IRAK1BP1: variants seen among roughly 807,000 people sequenced by gnomAD.
The protein encoded by IRAK1BP1 is interleukin-1 receptor-associated kinase 1-binding protein 1.
A neutral mutation model predicts 28.0 loss-of-function variants in IRAK1BP1; 24 were observed. That is an observed-to-expected ratio of 0.86 (90% CI 0.62 to 1.20). The LOEUF is 1.20. IRAK1BP1 is among the 50% of genes most tolerant of loss of function. IRAK1BP1 has a pLI of 0.00. For synonymous variants in IRAK1BP1, 131 were observed against 116.3 expected, an observed-to-expected ratio of 1.13 and a Z score of -0.81; for missense variants, 336 against 316.7, an observed-to-expected ratio of 1.06 and a Z score of -0.46.
At chr6:78,928,047 G>A (rs1004457069) in intron 4 of IRAK1BP1, among the ~76,000 whole-genome samples, 1 of 151,964 alleles carries the variant, frequency 6.6e-6, no homozygotes, top group African/African-American at 2.4e-5. Context: ...ATAAATGTTA[G>A]GATTGTTTTT....
At chr6:78,950,582 T>C (rs1362091897), downstream of IRAK1BP1, among the ~76,000 whole-genome samples, 1 of 152,186 alleles carries the variant, frequency 6.6e-6, no homozygotes, top group African/African-American at 2.4e-5. Context: ...ACTTTGAATA[T>C]CGGTCTATTT....
chr6:78,929,232 A>G (rs746729898), intron 4 of IRAK1BP1, among the ~76,000 whole-genome samples: 2 of 152,152 alleles, frequency 1.3e-5, no homozygotes, highest in Non-Finnish European at 2.9e-5. Context: ...TTAATGATCA[A>G]TCTTGGCAGG....
chr6:78,967,385 C>T, the IRAK1BP1 span, among the ~76,000 whole-genome samples: 4 of 152,320 alleles, frequency 2.6e-5, no homozygotes, highest in African/African-American at 9.6e-5. Context: ...TATGACCCTA[C>T]ACAGACTGAT....
the IRAK1BP1 span, among the ~76,000 whole-genome samples, chr6:78,965,188 CAT>C: frequency 1.3e-5 from 2 of 152,160 alleles, no homozygotes; most frequent in African/African-American, 4.8e-5. Context: ...ACTTTACACA[CAT>C]GATGCTATTT....
intron 4 of IRAK1BP1, among the ~76,000 whole-genome samples, chr6:78,918,323 A>G (rs867120562): frequency 6.6e-6 from 1 of 152,064 alleles, no homozygotes. Context: ...TAAAATATCA[A>G]TATTAACCCA....
intron 4 of IRAK1BP1, among the ~76,000 whole-genome samples, chr6:78,924,313 C>G (rs1446811719): frequency 1.3e-5 from 2 of 152,148 alleles, no homozygotes; most frequent in African/African-American, 2.4e-5. Context: ...ACTAGAAAAT[C>G]TAGAAGAGAT....
rs536185113 is a variant in IRAK1BP1, at chr6:78,929,756, T to C, written c.*68-15652T>C. ...GAATATAATATAAGCATACATTTAA[T>C]TTGTTAAGTGAACATTGGGTTTGCT... On this transcript the variant is annotated intron_variant and NMD_transcript_variant, in intron 4 of 4. Transcript: ENST00000606868. Among the ~76,000 whole-genome samples, 604 of 152,306 alleles carry C rather than the reference T, an allele frequency of 4.0e-3. 3 individuals carry two copies. Among genetic ancestry groups the C allele is most frequent in the Non-Finnish European group, 5.3e-3 (359 of 68,030 alleles).
chr6:78,946,669 A>C, downstream of IRAK1BP1: 1 of 1,492,202 alleles, frequency 6.7e-7, no homozygotes, highest in Non-Finnish European at 8.9e-7. Context: ...ATTTAGATGA[A>C]AGTTATAGAT....
intron 2 of IRAK1BP1, among the ~76,000 whole-genome samples, chr6:78,893,730 C>T (rs1300267177): frequency 6.6e-6 from 1 of 152,032 alleles, no homozygotes; most frequent in African/African-American, 2.4e-5. Context: ...TGGCGAAACC[C>T]TGTCTCTACT....
chr6:78,971,844 G>A, the IRAK1BP1 span, among the ~76,000 whole-genome samples: 53 of 152,330 alleles, frequency 3.5e-4, no homozygotes, highest in East Asian at 4.1e-3. Flanking sequence ...GGCGCACCAC[G>A]AAATTATATC....
chr6:78,960,122 T>C, the IRAK1BP1 span, among the ~76,000 whole-genome samples: 1 of 152,124 alleles, frequency 6.6e-6, no homozygotes, highest in Admixed American at 6.6e-5. Context: ...AAATTCAAAA[T>C]TTGAAGTATG....
At chr6:78,956,545 G>A in the IRAK1BP1 span, 1 of 152,070 alleles carries the variant, frequency 6.6e-6, no homozygotes, top group Non-Finnish European at 1.5e-5. Flanking sequence ...CTTGCTCTCA[G>A]AGCTTATATT....
chr6:78,890,065 A>G (rs1771582796), intron 2 of IRAK1BP1, among the ~76,000 whole-genome samples: 1 of 152,170 alleles, frequency 6.6e-6, no homozygotes, highest in Non-Finnish European at 1.5e-5. Context: ...TATGGCACAT[A>G]TACACCATGG....
Position 78,925,179 on chromosome 6 carries a change from G to C in IRAK1BP1, c.*68-20229G>C, listed in dbSNP as rs553211312. Among the ~76,000 whole-genome samples, 10 of 150,446 alleles carry C rather than the reference G, an allele frequency of 6.6e-5. No individual in the cohort carries two copies. The East Asian group carries it at 1.2e-3, about 18-fold the overall frequency. On this transcript the variant is annotated intron_variant and NMD_transcript_variant, in intron 4 of 4. Transcript: ENST00000606868. ...CACCGGGGCCTGTTTTGGGGTGGGG[G>C]TATGGGGGAGGGATAGCACTGGGAG...
the IRAK1BP1 span, among the ~76,000 whole-genome samples, chr6:78,974,715 C>G: frequency 9.2e-5 from 14 of 152,072 alleles, no homozygotes; most frequent in African/African-American, 3.4e-4. Context: ...CACAGAAATA[C>G]AAACTACCAT....
the IRAK1BP1 span, among the ~76,000 whole-genome samples, chr6:78,952,725 G>T: frequency 6.6e-6 from 1 of 151,946 alleles, no homozygotes; most frequent in East Asian, 1.9e-4. Flanking sequence ...TTCATTTCCA[G>T]GATTCTATTT....
At chr6:78,970,861 C>T in the IRAK1BP1 span, 1 of 1,608,134 alleles carries the variant, frequency 6.2e-7, no homozygotes, top group Non-Finnish European at 8.5e-7. Context: ...TCGACATAGG[C>T]TTCATGTCCT....
chr6:78,884,991 G>C (rs1771366615), intron 1 of IRAK1BP1, among the ~76,000 whole-genome samples: 1 of 152,034 alleles, frequency 6.6e-6, no homozygotes, highest in Non-Finnish European at 1.5e-5. Flanking sequence ...ACCTACAGGA[G>C]AGAAATTTCT....
chr6:78,914,773 A>T (rs1772514878), intron 4 of IRAK1BP1, among the ~76,000 whole-genome samples: 1 of 152,182 alleles, frequency 6.6e-6, no homozygotes, highest in Non-Finnish European at 1.5e-5. Flanking sequence ...TTTTATCAGT[A>T]CCAATTAATA....
Sources: gnomAD v4.1 joint callset for allele counts (sites outside exome capture counted in the v4.1 genomes callset) on GRCh38, gnomAD v4.1.1 for gene constraint, MANE v1.5 for transcripts, NCBI Gene and HGNC (gene_info 2026-07-23, HGNC 2026-07-21) for gene names.